ZMYND8: variants seen among roughly 807,000 people sequenced by gnomAD.
The protein encoded by ZMYND8 is zinc finger MYND-type containing 8, also known as MYND-type zinc finger-containing chromatin reader ZMYND8.
ZMYND8 carries 37 observed loss-of-function variants against 140.8 expected under a neutral mutation model. That is an observed-to-expected ratio of 0.26 (90% CI 0.20 to 0.35). ZMYND8 has a LOEUF of 0.35. Ranked by LOEUF, ZMYND8 falls within the 10% of genes least tolerant of loss-of-function variation. The probability of loss-of-function intolerance (pLI) is 1.00; values close to 1 mark genes in which losing one functional copy is unlikely to be tolerated. For synonymous variants in ZMYND8, 592 were observed against 597.1 expected (o/e 0.99, Z 0.12); for missense variants, 1,068 against 1,570.0 (o/e 0.68, Z 5.40).
At chr20:47,260,903 G>T (rs1227344654) in intron 12 of ZMYND8, among the ~76,000 whole-genome samples, 3 of 152,222 alleles carry the variant, frequency 2.0e-5, no homozygotes, top group Non-Finnish European at 4.4e-5. Flanking sequence ...AATCAATGGT[G>T]AGGATGCAAT....
intron 12 of ZMYND8, among the ~76,000 whole-genome samples, chr20:47,255,750 A>G (rs1263675963): frequency 1.3e-4 from 13 of 103,250 alleles, no homozygotes; most frequent in East Asian, 1.2e-3. Context: ...ATATATATAT[A>G]TATATATATA....
chr20:47,220,163 T>G, intron 21 of ZMYND8, 95 bp downstream of exon 21: 1 of 1,177,302 alleles, frequency 8.5e-7, no homozygotes, highest in Non-Finnish European at 1.2e-6. Context: ...TGGAAACCAT[T>G]GGAATAAACC....
chr20:47,241,840 T>C (rs1254292920), intron 14 of ZMYND8, among the ~76,000 whole-genome samples: 3 of 148,832 alleles, frequency 2.0e-5, no homozygotes, highest in Admixed American at 2.0e-4. Context: ...TTTTTTGAGA[T>C]GGAGTCTTGC....
At position 47,239,090 on chromosome 20, in the gene ZMYND8, G is replaced by T; in HGVS notation, c.2333C>A (p.Pro778Gln). ...PSTTVGSHSP[P>Q]ETPVLTRSSA... The stretch of plus-strand genomic sequence containing the variant: ...AGAGCGGGTGAGCACCGGTGTTTCC[G>T]GGGGAGAATGGCTGCCCACCGTCGT... Residue 778 changes from proline (P) to glutamine (Q), a missense_variant, in exon 15 of 23, where the codon CCG becomes CAG. Physicochemically the swap from Pro to Gln is moderately conservative, Grantham distance 76. This residue lies in a region of ZMYND8 where 383 missense variants were observed against 431.2 expected (regional missense o/e 0.89). Transcript: ENST00000471951. 1 of 1,523,788 alleles carries T rather than the reference G, an allele frequency of 6.6e-7. No individual in the cohort carries two copies. Among genetic ancestry groups the T allele is most frequent in the Non-Finnish European group, 8.8e-7 (1 of 1,138,266 alleles). 94.4% of individuals were successfully genotyped at this position (1,523,788 alleles called of 1,614,324 possible).
At chr20:47,300,406 T>G (rs191610494) in intron 3 of ZMYND8, among the ~76,000 whole-genome samples, 1 of 152,342 alleles carries the variant, frequency 6.6e-6, no homozygotes, top group African/African-American at 2.4e-5. Flanking sequence ...CATGATGGTT[T>G]CCTCCACAAA....
intron 6 of ZMYND8, among the ~76,000 whole-genome samples, chr20:47,290,819 G>T (rs2077218723): frequency 6.6e-6 from 1 of 151,902 alleles, no homozygotes; most frequent in Admixed American, 6.6e-5. Flanking sequence ...TCGAACTCCT[G>T]ACCTCAGATG....
chr20:47,224,581 G>A (rs1008231639), intron 18 of ZMYND8, 25 bp from the exon 19 acceptor site: 19 of 1,609,866 alleles, frequency 1.2e-5, no homozygotes, highest in Middle Eastern at 1.6e-4. Context: ...GAAGAACACC[G>A]CTCATCACCT....
At chr20:47,294,417 A>G (rs972382318) in intron 5 of ZMYND8, among the ~76,000 whole-genome samples, 1 of 152,158 alleles carries the variant, frequency 6.6e-6, no homozygotes, top group Non-Finnish European at 1.5e-5. Flanking sequence ...GTCTCAGGTA[A>G]TATCTTTACA....
intron 18 of ZMYND8, among the ~76,000 whole-genome samples, chr20:47,226,295 G>C (rs950140501): frequency 3.9e-5 from 6 of 152,200 alleles, no homozygotes; most frequent in African/African-American, 1.4e-4. Flanking sequence ...CAAGTGAGCA[G>C]GTAGGCACAC....
At chr20:47,304,861 T>C (rs2078356240) in intron 3 of ZMYND8, among the ~76,000 whole-genome samples, 1 of 152,116 alleles carries the variant, frequency 6.6e-6, no homozygotes, top group Non-Finnish European at 1.5e-5. Flanking sequence ...CACAAACTCC[T>C]AGTGTTGCCT....
chr20:47,237,165 G>GTC (rs2039349193), intron 15 of ZMYND8: 1 of 135,272 alleles, frequency 7.4e-6, no homozygotes, highest in Non-Finnish European at 1.6e-5. Context: ...TTTTTTTTTT[G>GTC]ACAGTCTCAC....
Position 47,261,208 on chromosome 20 carries a change from C to T in ZMYND8, c.1621+1080G>A, listed in dbSNP as rs571807814. Among the ~76,000 whole-genome samples the T allele has an allele frequency of 1.1e-3, 161 of 151,762 alleles. 3 individuals are homozygous for T. The South Asian group carries it at 0.031, about 29-fold the overall frequency. On this transcript the variant is annotated intron_variant, in intron 12 of 22. Transcript: ENST00000471951. The stretch of plus-strand genomic sequence containing the variant: ...TGCATTGCAGCCTGGGCAACAAGAG[C>T]GAAACTCCATCTCAAAAAAAATAAT...
chr20:47,231,829 A>T (rs2038527391), intron 16 of ZMYND8, among the ~76,000 whole-genome samples: 1 of 152,260 alleles, frequency 6.6e-6, no homozygotes, highest in Admixed American at 6.5e-5. Context: ...AAGTGGGTGA[A>T]ATTCAATACA....
intron 2 of ZMYND8, among the ~76,000 whole-genome samples, chr20:47,321,539 C>T (rs918044100): frequency 3.3e-5 from 5 of 152,210 alleles, no homozygotes; most frequent in African/African-American, 1.2e-4. Context: ...AGTGAGCTAC[C>T]AGGCAGGTCT....
At chr20:47,215,049 T>C (rs1229690633) in intron 21 of ZMYND8, among the ~76,000 whole-genome samples, 1 of 152,144 alleles carries the variant, frequency 6.6e-6, no homozygotes, top group Admixed American at 6.6e-5. Flanking sequence ...GGCAAGATCC[T>C]GTCTCTTAGG....
intron 4 of ZMYND8, among the ~76,000 whole-genome samples, chr20:47,297,076 T>TCCA (rs2077685308): frequency 6.6e-6 from 1 of 152,136 alleles, no homozygotes; most frequent in South Asian, 2.1e-4. Flanking sequence ...TGGTGAAGGT[T>TCCA]CCAGATCCCA....
intron 2 of ZMYND8, among the ~76,000 whole-genome samples, chr20:47,330,227 G>A (rs1458656014): frequency 6.6e-6 from 1 of 152,094 alleles, no homozygotes; most frequent in Non-Finnish European, 1.5e-5. Flanking sequence ...GACAGATGCT[G>A]CAGGACCCCT....
chr20:47,264,055 C>T (rs748350746), intron 11 of ZMYND8, among the ~76,000 whole-genome samples: 4 of 152,100 alleles, frequency 2.6e-5, no homozygotes, highest in Admixed American at 1.3e-4. Context: ...AAATCTGCTG[C>T]CATGCACAGA....
At chr20:47,286,360 G>T (rs111862671) in intron 8 of ZMYND8, among the ~76,000 whole-genome samples, 2 of 152,048 alleles carry the variant, frequency 1.3e-5, no homozygotes, top group African/African-American at 4.8e-5. Context: ...TGTATTTTTA[G>T]TGGAGACGGG....
Sources: gnomAD v4.1 joint callset for allele counts (sites outside exome capture counted in the v4.1 genomes callset) on GRCh38, gnomAD v4.1.1 for gene constraint, gnomAD v4.1.1 regional missense constraint, MANE v1.5 for transcripts, NCBI Gene and HGNC (gene_info 2026-07-23, HGNC 2026-07-21) for gene names.